The following TMEM164 variants were observed in gnomAD, a reference collection of about 807,000 sequenced individuals.
The protein encoded by TMEM164 is transmembrane protein 164.
A neutral mutation model predicts 18.8 loss-of-function variants in TMEM164; 4 were observed. That is an observed-to-expected ratio of 0.21 (90% CI 0.10 to 0.49). The LOEUF is 0.49. TMEM164 is among the 20% of genes least tolerant of loss of function. The pLI, the probability that TMEM164 is intolerant of heterozygous loss-of-function variation, is 0.98. For missense variants in TMEM164, 108 were observed against 239.9 expected, an observed-to-expected ratio of 0.45 and a Z score of 3.63; for synonymous variants, 86 against 101.7, an observed-to-expected ratio of 0.85 and a Z score of 0.93.
At position 110,176,198 on chromosome X, in the gene TMEM164, G is replaced by A; in HGVS notation, c.*2747G>A. 1 of 756,795 alleles carries A rather than the reference G, an allele frequency of 1.3e-6. No individual in the cohort carries two copies. The allele number at this position is 756,795 out of a possible 1,213,427, so 62.4% of individuals were successfully genotyped here. ...AAAAGAGTACTCCCTCCAGCCCCTAGGTAGCCTTGGCCAGGGATGTGGGCC... is the reference window on the plus strand; with the variant it reads ...AAAAGAGTACTCCCTCCAGCCCCTAAGTAGCCTTGGCCAGGGATGTGGGCC... On this transcript the variant is annotated 3_prime_UTR_variant, in exon 7 of 7. Transcript: ENST00000372068.
chrX:110,060,690 CTCTCTTTAGTCT>C (rs1369311166), intron 2 of TMEM164, among the ~76,000 whole-genome samples: 6 of 111,653 alleles, frequency 5.4e-5, no homozygotes, highest in Non-Finnish European at 3.8e-5. Flanking sequence ...TAGATATGAT[CTCTCTTTAGTCT>C]TCTCTAATCT....
chrX:110,033,931 C>A (rs928146161), intron 2 of TMEM164, among the ~76,000 whole-genome samples: 7 of 111,533 alleles, frequency 6.3e-5, no homozygotes, highest in Non-Finnish European at 1.1e-4. Flanking sequence ...ACTGCCTCTG[C>A]AGGCAAAACT....
intron 2 of TMEM164, among the ~76,000 whole-genome samples, chrX:110,005,829 A>T (rs748329859): frequency 1.8e-5 from 2 of 111,330 alleles, no homozygotes; most frequent in Non-Finnish European, 3.8e-5. Flanking sequence ...CTTTTTTAGG[A>T]TGGCAGGTGG....
intron 5 of TMEM164, among the ~76,000 whole-genome samples, chrX:110,145,948 A>C (rs1305733158): frequency 8.9e-6 from 1 of 112,022 alleles, no homozygotes; most frequent in African/African-American, 3.2e-5. Flanking sequence ...ATACTTGCCT[A>C]AATATTCTTT....
chrX:110,106,075 G>C (rs1321029718), intron 3 of TMEM164, among the ~76,000 whole-genome samples: 1 of 111,994 alleles, frequency 8.9e-6, no homozygotes, highest in Non-Finnish European at 1.9e-5. Flanking sequence ...TGTTAGAAAT[G>C]TTTGTGATTA....
intron 3 of TMEM164, among the ~76,000 whole-genome samples, chrX:110,071,544 C>T (rs1018595545): frequency 7.4e-5 from 8 of 107,709 alleles, no homozygotes; most frequent in African/African-American, 2.0e-4. Context: ...TCAATATTCC[C>T]GAGATTAGAG....
intron 2 of TMEM164, chrX:110,020,769 A>T: frequency 1.6e-6 from 1 of 627,670 alleles, no homozygotes; most frequent in Admixed American, 8.7e-5. Context: ...GCATGCCAGA[A>T]TATTTATGGC....
At chrX:110,182,996 C>T (rs2067329085), downstream of TMEM164, among the ~76,000 whole-genome samples, 1 of 112,356 alleles carries the variant, frequency 8.9e-6, no homozygotes. Context: ...GCCTGGATTA[C>T]AGCTGCCCTC....
chrX:110,109,962 T>A (rs1170485670), intron 4 of TMEM164, among the ~76,000 whole-genome samples: 1 of 112,798 alleles, frequency 8.9e-6, no homozygotes, highest in Non-Finnish European at 1.9e-5. Context: ...TAAATTTGCC[T>A]TAAACATTAA....
At chrX:110,148,605 C>T in intron 5 of TMEM164, among the ~76,000 whole-genome samples, 1 of 109,229 alleles carries the variant, frequency 9.2e-6, no homozygotes. Context: ...AACCTCCTGG[C>T]TTACATGGTC....
chrX:110,127,972 A>G (rs752929845), intron 4 of TMEM164, among the ~76,000 whole-genome samples: 2 of 112,567 alleles, frequency 1.8e-5, no homozygotes, highest in South Asian at 7.3e-4. Context: ...TGGTCCACTA[A>G]ACGTATGTTC....
intron 4 of TMEM164, among the ~76,000 whole-genome samples, chrX:110,140,918 A>G (rs1284460128): frequency 9.0e-6 from 1 of 111,581 alleles, no homozygotes; most frequent in African/African-American, 3.3e-5. Flanking sequence ...AAATGGGGAA[A>G]AGAGGGTCAG....
At chrX:110,084,197 G>T (rs1401222707) in intron 3 of TMEM164, among the ~76,000 whole-genome samples, 1 of 105,596 alleles carries the variant, frequency 9.5e-6, no homozygotes, top group African/African-American at 3.4e-5. Flanking sequence ...AAATTATCAA[G>T]TCCTCACAAA....
chrX:110,105,852 C>A (rs1242941754), intron 3 of TMEM164, among the ~76,000 whole-genome samples: 1 of 108,954 alleles, frequency 9.2e-6, no homozygotes, highest in Admixed American at 9.9e-5. Flanking sequence ...AAAATACAAT[C>A]TTGAAACTTG....
chrX:110,109,051 A>T, intron 3 of TMEM164, 29 bp from the exon 4 acceptor site: 1 of 1,196,327 alleles, frequency 8.4e-7, no homozygotes, highest in Non-Finnish European at 1.1e-6. Context: ...TCTGAGTATG[A>T]CCTGAACTTT....
At chrX:110,148,675 ATTTTTTTTTTTTTTT>A (rs373500523) in intron 5 of TMEM164, among the ~76,000 whole-genome samples, 2 of 67,917 alleles carry the variant, frequency 2.9e-5, no homozygotes, top group South Asian at 1.4e-3. Context: ...CACCCGGCTC[ATTTTTTTTTTTTTTT>A]TTTTTTTTTG....
chrX:110,059,443 G>C (rs915455052), intron 2 of TMEM164, among the ~76,000 whole-genome samples: 1 of 111,499 alleles, frequency 9.0e-6, no homozygotes, highest in African/African-American at 3.3e-5. Context: ...TGGTTTGGCT[G>C]TTTGGGGTCC....
At chrX:110,064,750 G>T (rs746841388) in intron 2 of TMEM164, among the ~76,000 whole-genome samples, 7 of 110,351 alleles carry the variant, frequency 6.3e-5, no homozygotes, top group Non-Finnish European at 1.1e-4. Context: ...GCTGAGGCAG[G>T]AGGATTGCTT....
intron 2 of TMEM164, among the ~76,000 whole-genome samples, chrX:110,008,001 A>G (rs918356907): frequency 3.6e-5 from 4 of 112,504 alleles, no homozygotes; most frequent in Non-Finnish European, 7.5e-5. Flanking sequence ...TTGACCCCTT[A>G]GTCCCAAGCT....
Sources: gnomAD v4.1 joint callset for allele counts (sites outside exome capture counted in the v4.1 genomes callset) on GRCh38, gnomAD v4.1.1 for gene constraint, MANE v1.5 for transcripts, NCBI Gene and HGNC (gene_info 2026-07-23, HGNC 2026-07-21) for gene names.